The following PRDM16 variants were observed in gnomAD, a reference collection of about 807,000 sequenced individuals.
PRDM16 encodes PR/SET domain 16.
PRDM16 carries 23 observed loss-of-function variants against 110.6 expected under a neutral mutation model. The observed-to-expected ratio is 0.21, with a 90% CI of 0.15 to 0.29. The LOEUF is 0.29. PRDM16 is among the 10% of genes least tolerant of loss of function. The pLI is 1.00. For synonymous variants in PRDM16, 799 were observed against 781.8 expected (o/e 1.02, Z -0.37); for missense variants, 1,615 against 1,794.3 (o/e 0.90, Z 1.81).
At chr1:3,101,338 C>T (rs568562589) in intron 1 of PRDM16, among the ~76,000 whole-genome samples, 1 of 152,224 alleles carries the variant, frequency 6.6e-6, no homozygotes, top group African/African-American at 2.4e-5. Flanking sequence ...GAGATTAAAG[C>T]CCCAGGGCCG....
intron 1 of PRDM16, among the ~76,000 whole-genome samples, chr1:3,140,188 C>G (rs1047333207): frequency 1.3e-5 from 2 of 152,234 alleles, no homozygotes; most frequent in South Asian, 4.1e-4. Flanking sequence ...CGGATGCAGC[C>G]CCCGGATGGC....
At chr1:3,266,593 C>CT (rs1220582209) in intron 3 of PRDM16, among the ~76,000 whole-genome samples, 1 of 152,230 alleles carries the variant, frequency 6.6e-6, no homozygotes, top group Admixed American at 6.5e-5. Flanking sequence ...ACCCGCTTGT[C>CT]TCGCAGGCGG....
chr1:3,224,677 G>A (rs576755021), intron 2 of PRDM16, among the ~76,000 whole-genome samples: 2 of 152,366 alleles, frequency 1.3e-5, no homozygotes, highest in African/African-American at 4.8e-5. Flanking sequence ...CGGCCCCAAG[G>A]GGGATGATGA....
chr1:3,352,423 C>G (rs904399331), intron 3 of PRDM16, among the ~76,000 whole-genome samples: 2 of 152,242 alleles, frequency 1.3e-5, no homozygotes, highest in Non-Finnish European at 2.9e-5. Flanking sequence ...CCGGCGCCCC[C>G]CTTGCTGCCC....
intron 3 of PRDM16, among the ~76,000 whole-genome samples, chr1:3,273,855 G>C (rs1186496450): frequency 7.2e-6 from 1 of 139,364 alleles, no homozygotes; most frequent in African/African-American, 2.6e-5. Context: ...TGTGTGTATG[G>C]GCTGCTTATA....
At chr1:3,341,966 C>T (rs558797135) in intron 3 of PRDM16, among the ~76,000 whole-genome samples, 53 of 152,286 alleles carry the variant, frequency 3.5e-4, no homozygotes, top group Middle Eastern at 6.8e-3. Flanking sequence ...GGGAGGTAAC[C>T]CCATCTCAAG....
intron 3 of PRDM16, among the ~76,000 whole-genome samples, chr1:3,248,912 G>A (rs7529307): frequency 0.016 from 2,439 of 152,338 alleles, 58 homozygotes; most frequent in African/African-American, 0.055. Context: ...GGGACTGGGG[G>A]CTAATGAAGG....
intron 1 of PRDM16, among the ~76,000 whole-genome samples, chr1:3,084,892 T>A (rs1642115238): frequency 6.6e-6 from 1 of 152,004 alleles, no homozygotes; most frequent in South Asian, 2.1e-4. Context: ...GGGGCTGGAG[T>A]TGCACAGCCT....
In PRDM16 at chr1:3,350,411, T is replaced by C. The variant is rs988110412; in HGVS notation, c.439-34741T>C. 6.6e-6 allele frequency among the ~76,000 whole-genome samples: 1 copy of C among 152,158 alleles called. No individual in the cohort carries two copies. The highest frequency in any genetic ancestry group is 1.5e-5 in the Non-Finnish European group (1 of 68,022). ...GGGCACCCTTGAAGCCACCCCCTCT[T>C]TCCCTCCTGGGCTCTACTGCTCCGT... On this transcript the variant is annotated intron_variant, in intron 3 of 16. Transcript: ENST00000270722. This position sits in a 1 kb window ranked among gnomAD's most constrained non-coding sequence, Gnocchi z 7.1.
intron 12 of PRDM16, among the ~76,000 whole-genome samples, chr1:3,419,347 C>T (rs1423963576): frequency 6.6e-6 from 1 of 152,210 alleles, no homozygotes; most frequent in East Asian, 1.9e-4. Flanking sequence ...CCGGCTGGCA[C>T]CTGCAGTGAA....
rs540916970 is a variant in PRDM16, at chr1:3,157,203, G to A, written c.38-28922G>A. On this transcript the variant is annotated intron_variant, in intron 1 of 16. Coordinates refer to ENST00000270722, the MANE Select transcript of PRDM16 (RefSeq NM_022114.4). The surrounding 1 kb of genome is among the most constrained non-coding windows in gnomAD (Gnocchi z 4.8). ...AGGGCCGCTCGGCAACCGCTGAGCC[G>A]GCGCAAGAGCTCAGGCCCTCAGGGA... Among the ~76,000 whole-genome samples, 2 of 152,164 alleles carry A rather than the reference G, an allele frequency of 1.3e-5. No individual in the cohort carries two copies. The highest frequency in any genetic ancestry group is 4.8e-5 in the African/African-American group (2 of 41,442).
At position 3,410,238 on chromosome 1, in the gene PRDM16, A is replaced by G. The variant is rs558476141; in HGVS notation, c.1187-1146A>G. On this transcript the variant is annotated intron_variant, in intron 8 of 16. Coordinates refer to ENST00000270722, the MANE Select transcript of PRDM16 (RefSeq NM_022114.4). ...ACAAGAGGCAAAAGACAAGCTGGTG[A>G]TTCGCTGACAACCGTTCACAGGCCT... Among the ~76,000 whole-genome samples, 7 of 152,192 alleles carry G rather than the reference A, an allele frequency of 4.6e-5. No individual in the cohort carries two copies. The South Asian group carries it at 1.4e-3, about 32-fold the overall frequency.
chr1:3,336,312 G>A (rs1480083326), intron 3 of PRDM16, among the ~76,000 whole-genome samples: 3 of 151,834 alleles, frequency 2.0e-5, no homozygotes, highest in Non-Finnish European at 4.4e-5. Context: ...GTCTGTGGCT[G>A]TTTGTGTACA....
At chr1:3,151,448 A>G (rs192092863) in intron 1 of PRDM16, among the ~76,000 whole-genome samples, 2 of 152,344 alleles carry the variant, frequency 1.3e-5, no homozygotes, top group Admixed American at 6.5e-5. Context: ...CCATGGGCCA[A>G]CAGGCTCACT....
chr1:3,418,709 A>G lies in PRDM16; in HGVS notation c.2904A>G (p.Arg968=). ...KIFPRSANLT[R]HLRTHTGEQP... ...TCCCCAGATCAGCCAATCTCACCAGACACCTGAGGACGCACACTGGGGAGC... is the reference window on the plus strand; with the variant it reads ...TCCCCAGATCAGCCAATCTCACCAGGCACCTGAGGACGCACACTGGGGAGC... The change falls in exon 12 of 17, where the codon AGA becomes AGG. Residue 968 remains arginine, a synonymous_variant. Transcript: ENST00000270722. 6.2e-7 allele frequency: 1 copy of G among 1,613,728 alleles called. No homozygotes were observed. Among genetic ancestry groups the G allele is most frequent in the Non-Finnish European group, 8.5e-7 (1 of 1,179,890 alleles).
chr1:3,087,951 C>T (rs143721565), intron 1 of PRDM16, among the ~76,000 whole-genome samples: 3 of 152,110 alleles, frequency 2.0e-5, no homozygotes, highest in East Asian at 1.9e-4. Flanking sequence ...TGTTTCCCTC[C>T]GTCCCCCGAG....
chr1:3,421,726 T>A (rs959419000), intron 12 of PRDM16, among the ~76,000 whole-genome samples: 22 of 152,208 alleles, frequency 1.4e-4, no homozygotes, highest in Non-Finnish European at 2.2e-4. Flanking sequence ...TCTTTTCCAA[T>A]CCCATTTCTT....
chr1:3,211,441 G>C (rs907942799), intron 2 of PRDM16, among the ~76,000 whole-genome samples: 2 of 152,258 alleles, frequency 1.3e-5, no homozygotes, highest in African/African-American at 4.8e-5. Context: ...GCTTGATCTA[G>C]CTGGAGATGC....
intron 3 of PRDM16, among the ~76,000 whole-genome samples, chr1:3,361,881 C>A (rs1333145072): frequency 2.1e-5 from 3 of 142,678 alleles, no homozygotes; most frequent in African/African-American, 8.0e-5. Flanking sequence ...GGAGGGAGGG[C>A]AGGTGGTGAG....
Sources: allele counts gnomAD v4.1 joint callset (sites outside exome capture counted in the v4.1 genomes callset), GRCh38; gene constraint gnomAD v4.1.1; non-coding constraint Gnocchi (gnomAD v3.1); transcripts MANE v1.5; gene names NCBI Gene and HGNC (gene_info 2026-07-23, HGNC 2026-07-21).